Variants in CNTNAP5 observed in about 807,000 individuals in gnomAD.
CNTNAP5 encodes the protein contactin associated protein family member 5.
A neutral mutation model predicts 150.2 loss-of-function variants in CNTNAP5; 72 were observed. The observed-to-expected ratio is 0.48, with a 90% CI of 0.40 to 0.58. The LOEUF (loss-of-function observed/expected upper bound fraction) is 0.58, where lower values mean the gene tolerates loss of function less well. Ranked by LOEUF, CNTNAP5 falls within the 20% of genes least tolerant of loss-of-function variation. The probability of loss-of-function intolerance (pLI) is 0.00; values close to 1 mark genes in which losing one functional copy is unlikely to be tolerated. For synonymous variants in CNTNAP5, 672 were observed against 619.8 expected (o/e 1.08, Z -1.25); for missense variants, 1,636 against 1,626.2 (o/e 1.01, Z -0.10).
At chr2:124,630,974 A>G (rs566816809) in intron 12 of CNTNAP5, among the ~76,000 whole-genome samples, 1 of 152,268 alleles carries the variant, frequency 6.6e-6, no homozygotes, top group African/African-American at 2.4e-5. Context: ...CCCATTCACA[A>G]TTGCCACAAA....
chr2:124,326,348 T>C (rs190615293), intron 3 of CNTNAP5, among the ~76,000 whole-genome samples: 141 of 152,350 alleles, frequency 9.3e-4, no homozygotes, highest in African/African-American at 3.2e-3. Context: ...CAAGATCTTC[T>C]GGTGTGCATT....
chr2:124,430,465 A>G (rs552166796), intron 4 of CNTNAP5, among the ~76,000 whole-genome samples: 3 of 152,300 alleles, frequency 2.0e-5, no homozygotes, highest in African/African-American at 4.8e-5. Flanking sequence ...ACATACATGC[A>G]TATGCACATA....
At chr2:124,739,166 T>G (rs1482809784) in intron 13 of CNTNAP5, among the ~76,000 whole-genome samples, 1 of 152,126 alleles carries the variant, frequency 6.6e-6, no homozygotes, top group African/African-American at 2.4e-5. Flanking sequence ...TCTGGCTCAC[T>G]TCAATTCAAC....
chr2:124,169,786 T>C (rs1412691039), intron 1 of CNTNAP5, among the ~76,000 whole-genome samples: 2 of 152,198 alleles, frequency 1.3e-5, no homozygotes, highest in Non-Finnish European at 2.9e-5. Context: ...TTCCCTAACA[T>C]GAAGGGAGCA....
At chr2:124,179,978 A>AT (rs796065654) in intron 1 of CNTNAP5, among the ~76,000 whole-genome samples, 288 of 149,626 alleles carry the variant, frequency 1.9e-3, no homozygotes, top group African/African-American at 6.1e-3. Flanking sequence ...ATTCTTTTCC[A>AT]TTTTTTTTTT....
chr2:124,819,148 C>T (rs1047269893), intron 19 of CNTNAP5, among the ~76,000 whole-genome samples: 32 of 152,164 alleles, frequency 2.1e-4, no homozygotes, highest in African/African-American at 7.2e-4. Context: ...GTTTCTTCAT[C>T]AGCTTGTTAT....
At chr2:124,202,359 C>A (rs1484532438) in intron 1 of CNTNAP5, among the ~76,000 whole-genome samples, 1 of 152,096 alleles carries the variant, frequency 6.6e-6, no homozygotes, top group Non-Finnish European at 1.5e-5. Context: ...GATTCAGTGG[C>A]CATTCTGAGA....
intron 1 of CNTNAP5, among the ~76,000 whole-genome samples, chr2:124,189,864 C>G (rs1573822236): frequency 6.6e-6 from 1 of 152,178 alleles, no homozygotes; most frequent in South Asian, 2.1e-4. Context: ...CTAAGCTGCT[C>G]TTAGCACATC....
At chr2:124,517,709 G>A (rs1197164973) in intron 8 of CNTNAP5, among the ~76,000 whole-genome samples, 1 of 141,798 alleles carries the variant, frequency 7.1e-6, no homozygotes, top group African/African-American at 2.6e-5. Context: ...TTGTGGTGGT[G>A]ATGGGGGTTG....
chr2:124,742,339 C>T (rs1016696579), intron 13 of CNTNAP5, among the ~76,000 whole-genome samples: 2 of 151,236 alleles, frequency 1.3e-5, no homozygotes, highest in African/African-American at 4.8e-5. Context: ...AGACACTGAA[C>T]ATTTGAAAAG....
chr2:124,677,899 A>G (rs547101279), intron 13 of CNTNAP5, among the ~76,000 whole-genome samples: 2 of 152,064 alleles, frequency 1.3e-5, no homozygotes, highest in African/African-American at 4.8e-5. Flanking sequence ...TAAAGTAAGC[A>G]GAAAGGTTTA....
At chr2:124,065,325 A>C (rs534901946) in intron 1 of CNTNAP5, among the ~76,000 whole-genome samples, 31 of 152,288 alleles carry the variant, frequency 2.0e-4, no homozygotes, top group African/African-American at 7.0e-4. Context: ...ATATATACAC[A>C]TAACACTGGT....
At chr2:124,110,760 G>C (rs932862541) in intron 1 of CNTNAP5, among the ~76,000 whole-genome samples, 5 of 152,172 alleles carry the variant, frequency 3.3e-5, no homozygotes, top group Admixed American at 6.5e-5. Context: ...TGACCCCAGA[G>C]TATTCTACTG....
At chr2:124,300,459 G>A (rs1156668573) in intron 3 of CNTNAP5, among the ~76,000 whole-genome samples, 2 of 152,174 alleles carry the variant, frequency 1.3e-5, no homozygotes, top group African/African-American at 4.8e-5. Context: ...AATGAGTCAC[G>A]TGAAGATAGG....
At chr2:124,343,464 G>T (rs530555969) in intron 3 of CNTNAP5, among the ~76,000 whole-genome samples, 31 of 152,022 alleles carry the variant, frequency 2.0e-4, no homozygotes, top group Admixed American at 2.0e-4. Context: ...TTTGGGGGTC[G>T]AAGTACTTTT....
At chr2:124,442,752 C>A (rs1417902338) in intron 5 of CNTNAP5, among the ~76,000 whole-genome samples, 5 of 151,864 alleles carry the variant, frequency 3.3e-5, no homozygotes, top group Non-Finnish European at 5.9e-5. Context: ...CAGCAACAAA[C>A]ACAAATAAAG....
intron 11 of CNTNAP5, among the ~76,000 whole-genome samples, chr2:124,586,859 G>A (rs560045426): frequency 6.6e-6 from 1 of 152,288 alleles, no homozygotes; most frequent in East Asian, 1.9e-4. Context: ...ATAAGTCTCT[G>A]AATATCATAT....
At chr2:124,226,275 C>A (rs1415227158) in intron 2 of CNTNAP5, among the ~76,000 whole-genome samples, 2 of 152,008 alleles carry the variant, frequency 1.3e-5, no homozygotes, top group African/African-American at 4.8e-5. Context: ...ACACCTATCT[C>A]CTTCTTTATA....
chr2:124,798,027 C>T, intron 18 of CNTNAP5, 69 bp from the exon 19 acceptor site: 1 of 1,173,998 alleles, frequency 8.5e-7, no homozygotes, highest in Non-Finnish European at 1.2e-6. Context: ...AACGAGAAAG[C>T]AGCTAAGGTT....
Sources: allele counts gnomAD v4.1 joint callset (sites outside exome capture counted in the v4.1 genomes callset), GRCh38; gene constraint gnomAD v4.1.1; transcripts MANE v1.5; gene names NCBI Gene and HGNC (gene_info 2026-07-23, HGNC 2026-07-21).